The following B3GALNT1 variants were observed in gnomAD, a reference collection of about 807,000 sequenced individuals.
B3GALNT1 encodes beta-1,3-N-acetylgalactosaminyltransferase 1 (Globoside blood group), also known as UDP-GalNAc:beta-1,3-N-acetylgalactosaminyltransferase 1.
B3GALNT1 carries 17 observed loss-of-function variants against 27.3 expected under a neutral mutation model. The ratio of observed to expected loss-of-function variants is 0.62; its 90% CI spans 0.43 to 0.94. The LOEUF is 0.94. B3GALNT1 is among the 40% of genes least tolerant of loss of function. B3GALNT1 has a pLI of 0.00. For missense variants in B3GALNT1, 347 were observed against 390.0 expected (o/e 0.89, Z 0.93); for synonymous variants, 141 against 144.0 (o/e 0.98, Z 0.15).
At chr3:161,088,900 A>C (rs1156833089) in intron 4 of B3GALNT1, among the ~76,000 whole-genome samples, 2 of 152,358 alleles carry the variant, frequency 1.3e-5, no homozygotes, top group East Asian at 3.9e-4. Context: ...ACATTCTATA[A>C]GCCATAGTTT....
rs1467655144 is a variant in B3GALNT1, at chr3:161,085,281, A to C, written c.*478T>G. On this transcript the variant is annotated 3_prime_UTR_variant, in exon 5 of 5. Coordinates refer to ENST00000320474, the MANE Select transcript of B3GALNT1 (RefSeq NM_003781.4). ...TGAAGTACTTTATAAATGACCAAAAACAGGTAAAATTTTGTTCAGTATAAC... is the reference window on the plus strand; with the variant it reads ...TGAAGTACTTTATAAATGACCAAAACCAGGTAAAATTTTGTTCAGTATAAC... 2 of 153,518 alleles carry C rather than the reference A, an allele frequency of 1.3e-5. No homozygotes were observed. The highest frequency in any genetic ancestry group is 2.9e-5 in the Non-Finnish European group (2 of 68,992). The allele number at this position is 153,518 out of a possible 1,614,324, so 9.5% of individuals were successfully genotyped here.
At chr3:161,096,957 C>G (rs1337028444) in intron 4 of B3GALNT1, among the ~76,000 whole-genome samples, 3 of 152,160 alleles carry the variant, frequency 2.0e-5, no homozygotes, top group African/African-American at 7.2e-5. Context: ...AAAGCGAGCA[C>G]CAGGTGGCAG....
intron 4 of B3GALNT1, among the ~76,000 whole-genome samples, chr3:161,092,027 G>A (rs1035783257): frequency 4.6e-5 from 7 of 152,146 alleles, no homozygotes; most frequent in Non-Finnish European, 1.0e-4. Flanking sequence ...GAGGATCAGG[G>A]TGTCACCATT....
intron 4 of B3GALNT1, among the ~76,000 whole-genome samples, chr3:161,098,420 C>T (rs1026677554): frequency 9.9e-5 from 15 of 152,112 alleles, no homozygotes; most frequent in Admixed American, 2.0e-4. Context: ...CAGAGCTCAA[C>T]GAGAAACTTT....
chr3:161,104,241 C>G (rs767276302), intron 2 of B3GALNT1, 78 bp downstream of exon 2: 2 of 1,153,196 alleles, frequency 1.7e-6, no homozygotes, highest in African/African-American at 1.6e-5. Context: ...ATTCAGCGCC[C>G]TTCTTTTGCT....
chr3:161,085,677 C>T lies in B3GALNT1; in HGVS notation c.*82G>A. ...GTGTAAGCCAGCACACTGACCTCCCCATGAATTTTCCACAGTACCTACTTT... is the reference window on the plus strand; with the variant it reads ...GTGTAAGCCAGCACACTGACCTCCCTATGAATTTTCCACAGTACCTACTTT... On this transcript the variant is annotated 3_prime_UTR_variant, in exon 5 of 5. Transcript: ENST00000320474. 6.6e-7 allele frequency: 1 copy of T among 1,504,300 alleles called. No homozygotes were observed. The highest frequency in any genetic ancestry group is 9.2e-7 in the Non-Finnish European group (1 of 1,081,898). 93.2% of individuals were successfully genotyped at this position (1,504,300 alleles called of 1,614,324 possible).
chr3:161,097,427 T>G (rs1728801497), intron 4 of B3GALNT1, among the ~76,000 whole-genome samples: 1 of 152,216 alleles, frequency 6.6e-6, no homozygotes, highest in Non-Finnish European at 1.5e-5. Context: ...TGGCATGACA[T>G]GCTCTGTAAT....
intron 4 of B3GALNT1, among the ~76,000 whole-genome samples, chr3:161,086,994 C>A (rs1457673326): frequency 1.3e-5 from 2 of 152,022 alleles, no homozygotes; most frequent in African/African-American, 4.8e-5. Flanking sequence ...ACATCAAGAC[C>A]AAGGTTAAAA....
At chr3:161,103,118 G>C (rs1184938242) in intron 3 of B3GALNT1, 1 of 155,856 alleles carries the variant, frequency 6.4e-6, no homozygotes, top group African/African-American at 2.4e-5. Context: ...CACACCTGAA[G>C]TCCTCGCTAC....
At position 161,103,515 on chromosome 3, in the gene B3GALNT1, C is replaced by T. The variant is rs1275105074; in HGVS notation, c.-218G>A. 8.0e-7 allele frequency: 1 copy of T among 1,242,434 alleles called. No individual in the cohort carries two copies. The highest frequency in any genetic ancestry group is 2.4e-5 in the Admixed American group (1 of 41,044). 77.0% of individuals were successfully genotyped at this position (1,242,434 alleles called of 1,614,324 possible). On this transcript the variant is annotated splice_region_variant and 5_prime_UTR_variant, in exon 3 of 5. It removes the in-frame stop codon of an upstream open reading frame in the 5' UTR. Transcript: ENST00000320474. ...TTAAAACACTCAGATCTGTTGTGAA[C>T]TACTGAACAGAAGAACAGAAAAAAA...
Position 161,086,298 on chromosome 3 carries a change from T to C in B3GALNT1, c.457A>G (p.Asn153Asp), listed in dbSNP as rs1451301662. 5 of 1,614,196 alleles carry C rather than the reference T, an allele frequency of 3.1e-6. No individual in the cohort carries two copies. The East Asian group carries it at 6.7e-5, about 22-fold the overall frequency. ...ATAATGGTTTTCAAGGTCAGGTTATTATATGTGTCTAAAAAATCTTGTCGG... is the reference window on the plus strand; with the variant it reads ...ATAATGGTTTTCAAGGTCAGGTTATCATATGTGTCTAAAAAATCTTGTCGG... ...IIRQDFLDTY[N>D]NLTLKTIMAF... Residue 153 changes from asparagine to aspartate, a missense_variant, in exon 5 of 5, where the codon AAT becomes GAT. Physicochemically the swap from Asn to Asp is conservative, Grantham distance 23 (BLOSUM62 1). Coordinates refer to ENST00000320474, the MANE Select transcript of B3GALNT1 (RefSeq NM_003781.4).
rs1487694169 is a variant in B3GALNT1, at chr3:161,085,493, G to A, written c.*266C>T. The A allele has an allele frequency of 3.0e-5, 14 of 468,434 alleles. No homozygotes were observed. The highest frequency in any genetic ancestry group is 5.4e-5 in the Non-Finnish European group (14 of 260,578). 29.0% of individuals were successfully genotyped at this position (468,434 alleles called of 1,614,324 possible). On this transcript the variant is annotated 3_prime_UTR_variant, in exon 5 of 5. Transcript: ENST00000320474. Reference sequence around the variant, plus strand: ...TTTAAGAAATTCTAGTCTACAGAATGACATGTCCAAATTGTTTGGTCCTAT... The same window carrying A: ...TTTAAGAAATTCTAGTCTACAGAATAACATGTCCAAATTGTTTGGTCCTAT...
rs990574790 is a variant in B3GALNT1, at chr3:161,101,171, C to G, written c.-67G>C. The G allele has an allele frequency of 1.9e-5, 25 of 1,289,668 alleles. No homozygotes were observed. The African/African-American group carries it at 3.2e-4, about 16-fold the overall frequency. The allele number at this position is 1,289,668 out of a possible 1,614,324, so 79.9% of individuals were successfully genotyped here. A position where few individuals can be genotyped will look rare whatever the true frequency, so the allele number is the denominator to read the frequency against. ...CTCGGGGTGAGTAGTCGGAGAGCACCACGTGATAGAGCAGCCAGCGGGAAG... is the reference window on the plus strand; with the variant it reads ...CTCGGGGTGAGTAGTCGGAGAGCACGACGTGATAGAGCAGCCAGCGGGAAG... On this transcript the variant is annotated 5_prime_UTR_variant, in exon 4 of 5. Coordinates refer to ENST00000320474, the MANE Select transcript of B3GALNT1 (RefSeq NM_003781.4).
intron 3 of B3GALNT1, among the ~76,000 whole-genome samples, chr3:161,102,035 A>AAAC (rs1731577961): frequency 6.6e-6 from 1 of 152,210 alleles, no homozygotes; most frequent in African/African-American, 2.4e-5. Context: ...GCAGAAATCC[A>AAAC]TGTTCTATCC....
rs104893683 is a variant in B3GALNT1, at chr3:161,085,944, C to A, written c.811G>T (p.Gly271Trp). 3.1e-6 allele frequency: 5 copies of A among 1,604,936 alleles called. No homozygotes were observed. The highest frequency in any genetic ancestry group is 4.3e-6 in the Non-Finnish European group (5 of 1,175,716). Residue 271 changes from glycine (G) to tryptophan (W), a missense_variant, in exon 5 of 5, where the codon GGG becomes TGG. Gly to Trp is a radical substitution (Grantham distance 184, BLOSUM62 -2). Transcript: ENST00000320474. Reference sequence around the variant, plus strand: ...ACTTTTAATAAATTCAAACAGATCCCGACATAAACATCTTCAAACTTGATG... The same window carrying A: ...ACTTTTAATAAATTCAAACAGATCCAGACATAAACATCTTCAAACTTGATG... ...KPIKFEDVYV[G>W]ICLNLLKVNI...
Position 161,087,886 on chromosome 3 carries a change from A to G in B3GALNT1, c.-34-1098T>C, listed in dbSNP as rs555027836. ...GGGAGAAAGAAGAAATCCCAAGACAACGTATAAACATGGCAGCACAGTGCA... is the reference window on the plus strand; with the variant it reads ...GGGAGAAAGAAGAAATCCCAAGACAGCGTATAAACATGGCAGCACAGTGCA... On this transcript the variant is annotated intron_variant, in intron 4 of 4. Transcript: ENST00000320474. 7.2e-4 allele frequency among the ~76,000 whole-genome samples: 110 copies of G among 152,282 alleles called. 2 individuals are homozygous for G. Among genetic ancestry groups the G allele is most frequent in the African/African-American group, 2.5e-3 (104 of 41,558 alleles).
rs1211426410 is a variant in B3GALNT1 at position 161,084,632 on chromosome 3, C to T, written c.*1127G>A. 1 of 152,104 alleles carries T rather than the reference C, an allele frequency of 6.6e-6. No individual in the cohort carries two copies. Among genetic ancestry groups the T allele is most frequent in the Non-Finnish European group, 1.5e-5 (1 of 68,006 alleles). 9.4% of individuals were successfully genotyped at this position (152,104 alleles called of 1,614,324 possible). On this transcript the variant is annotated 3_prime_UTR_variant, in exon 5 of 5. Transcript: ENST00000320474. The stretch of plus-strand genomic sequence containing the variant: ...GAAGAAATTTCTTTCTATAAAAGCA[C>T]AAAATTTAAATCGGATTTGACTTTA...
At chr3:161,086,819 T>C (rs939311971) in intron 4 of B3GALNT1, 31 bp from the exon 5 acceptor site, 2 of 1,585,922 alleles carry the variant, frequency 1.3e-6, no homozygotes, top group East Asian at 4.6e-5. Context: ...TGGGTTAATA[T>C]TCCACACCGA....
intron 4 of B3GALNT1, 136 bp from the exon 5 acceptor site, chr3:161,086,924 C>A: frequency 1.1e-6 from 1 of 920,014 alleles, no homozygotes; most frequent in South Asian, 1.5e-5. Context: ...TGACTTGAAT[C>A]TACTTCATTT....
Sources: allele counts gnomAD v4.1 joint callset (sites outside exome capture counted in the v4.1 genomes callset), GRCh38; gene constraint gnomAD v4.1.1; transcripts MANE v1.5; gene names NCBI Gene and HGNC (gene_info 2026-07-23, HGNC 2026-07-21).